Variants in KCNQ1 observed in about 807,000 individuals in gnomAD.
KCNQ1 encodes the protein potassium voltage-gated channel subfamily Q member 1, also known as potassium voltage-gated channel subfamily KQT member 1.
Under a neutral mutation model 72.4 loss-of-function variants are expected in KCNQ1, and 49 were observed. The observed-to-expected ratio is 0.68, with a 90% CI of 0.54 to 0.86. KCNQ1 has a LOEUF of 0.86. KCNQ1 is among the 40% of genes least tolerant of loss of function. The pLI, the probability that KCNQ1 is intolerant of heterozygous loss-of-function variation, is 0.00. For missense variants in KCNQ1, 790 were observed against 945.1 expected, an observed-to-expected ratio of 0.84 and a Z score of 2.15; for synonymous variants, 450 against 412.6, an observed-to-expected ratio of 1.09 and a Z score of -1.10.
At chr11:2,741,631 TACTG>T (rs893082680) in intron 11 of KCNQ1, among the ~76,000 whole-genome samples, 1 of 152,184 alleles carries the variant, frequency 6.6e-6, no homozygotes, top group African/African-American at 2.4e-5. Context: ...CCTCCTCTCT[TACTG>T]ATAGAACATT....
rs1850155440 is a variant in KCNQ1 at position 2,670,206 on chromosome 11, C to T, written c.1514+8125C>T. ...CATTAAAGCAGAGTGAAGAGCAGGG[C>T]GAGCTGTGTAGCTCACCTGCCTTTG... On this transcript the variant is annotated intron_variant, in intron 11 of 15. Coordinates refer to ENST00000155840, the MANE Select transcript of KCNQ1 (RefSeq NM_000218.3). This position sits in a 1 kb window ranked among gnomAD's most constrained non-coding sequence, Gnocchi z 4.9. 1.8e-5 allele frequency: 7 copies of T among 398,454 alleles called. No homozygotes were observed. The highest frequency in any genetic ancestry group is 1.3e-4 in the South Asian group (1 of 7,850). 24.7% of individuals were successfully genotyped at this position (398,454 alleles called of 1,614,324 possible).
intron 10 of KCNQ1, chr11:2,632,217 A>G: frequency 2.5e-6 from 1 of 397,972 alleles, no homozygotes; most frequent in Non-Finnish European, 4.4e-6. Flanking sequence ...ATGCAACTGA[A>G]TTTTGTGTAC....
In KCNQ1 at chr11:2,516,705, C is replaced by T. The variant is rs1043229164; in HGVS notation, c.387-11223C>T. On this transcript the variant is annotated intron_variant, in intron 1 of 15. Transcript: ENST00000155840. The surrounding 1 kb of genome is among the most constrained non-coding windows in gnomAD (Gnocchi z 7.0). ...TGCTACGGCCACCACCTGATTTTGTCGATAAAGTTTTATTAGGACACAGCC... is the reference window on the plus strand; with the variant it reads ...TGCTACGGCCACCACCTGATTTTGTTGATAAAGTTTTATTAGGACACAGCC... Among the ~76,000 whole-genome samples, 8 of 152,118 alleles carry T rather than the reference C, an allele frequency of 5.3e-5. No homozygotes were observed. Among genetic ancestry groups the T allele is most frequent in the African/African-American group, 1.7e-4 (7 of 41,416 alleles).
In KCNQ1 at chr11:2,823,870, G is replaced by A. The variant is rs57476377; in HGVS notation, c.1795-23897G>A. ...GGACAGTTAGAGGGTGGACAAAGCC[G>A]AGGGTGGGGTGAGAGCTTAAGCCTC... On this transcript the variant is annotated intron_variant, in intron 15 of 15. Transcript: ENST00000155840. Among the ~76,000 whole-genome samples, 138 of 152,274 alleles carry A rather than the reference G, an allele frequency of 9.1e-4. 3 individuals are homozygous for A. The East Asian group carries it at 0.022, about 24-fold the overall frequency.
At chr11:2,755,111 G>A (rs544575603) in intron 11 of KCNQ1, among the ~76,000 whole-genome samples, 81 of 152,260 alleles carry the variant, frequency 5.3e-4, no homozygotes, top group African/African-American at 1.9e-3. Flanking sequence ...GCTTCTAGGG[G>A]TTGTCTGCAT....
At position 2,471,695 on chromosome 11, in the gene KCNQ1, T is replaced by TGTGTATGGGTGTGCAC. The variant is rs1564790452; in HGVS notation, c.386+26215_386+26216insATGGGTGTGCACGTGT. 1.3e-5 allele frequency among the ~76,000 whole-genome samples: 2 copies of TGTGTATGGGTGTGCAC among 150,762 alleles called. No individual in the cohort carries two copies. Among genetic ancestry groups the TGTGTATGGGTGTGCAC allele is most frequent in the African/African-American group, 2.4e-5 (1 of 41,036 alleles). ...GTGTGCACATGTGTATGGGTGTGCA[T>TGTGTATGGGTGTGCAC]GTGTGTATAGGTGTGTGTATGTGTG... is the stretch of plus-strand genomic sequence containing the variant. On this transcript the variant is annotated intron_variant, in intron 1 of 15. Coordinates refer to ENST00000155840, the MANE Select transcript of KCNQ1 (RefSeq NM_000218.3). The surrounding 1 kb of genome is among the most constrained non-coding windows in gnomAD (Gnocchi z 4.8).
Position 2,602,671 on chromosome 11 carries a change from T to C in KCNQ1, c.1393+13817T>C, listed in dbSNP as rs1848824000. ...GTGGTTTACATTTACATTTCCTCAT[T>C]AGGATGATACTGAACATCTTTTCAT... On this transcript the variant is annotated intron_variant, in intron 10 of 15. Coordinates refer to ENST00000155840, the MANE Select transcript of KCNQ1 (RefSeq NM_000218.3). This position sits in a 1 kb window ranked among gnomAD's most constrained non-coding sequence, Gnocchi z 4.8. Among the ~76,000 whole-genome samples the C allele has an allele frequency of 6.6e-6, 1 of 152,234 alleles. No individual in the cohort carries two copies. The highest frequency in any genetic ancestry group is 6.5e-5 in the Admixed American group (1 of 15,280).
Position 2,623,442 on chromosome 11 carries a change from AC to A in KCNQ1, c.1393+34591del, listed in dbSNP as rs1849207897. 2.5e-6 allele frequency: 1 copy of A among 398,274 alleles called. No homozygotes were observed. The highest frequency in any genetic ancestry group is 4.4e-6 in the Non-Finnish European group (1 of 226,042). The allele number at this position is 398,274 out of a possible 1,614,324, so 24.7% of individuals were successfully genotyped here. A position where few individuals can be genotyped will look rare whatever the true frequency, so the allele number is the denominator to read the frequency against. On this transcript the variant is annotated intron_variant, in intron 10 of 15. Transcript: ENST00000155840. The surrounding 1 kb of genome is among the most constrained non-coding windows in gnomAD (Gnocchi z 5.2). ...CCTATTCAACCCTTCTTCCCCAACAACCCTTGGCAACCACTGAACTTTTTAC... is the reference window on the plus strand; with the variant it reads ...CCTATTCAACCCTTCTTCCCCAACAACCTTGGCAACCACTGAACTTTTTAC...
intron 10 of KCNQ1, chr11:2,660,488 C>T: frequency 2.5e-6 from 1 of 398,586 alleles, no homozygotes; most frequent in Admixed American, 4.4e-5. Context: ...GGGAAGCTAT[C>T]TATGCCTCAT....
rs955701141 is a variant in KCNQ1, at chr11:2,711,534, C to T, written c.1514+49453C>T. Among the ~76,000 whole-genome samples, 4 of 152,114 alleles carry T rather than the reference C, an allele frequency of 2.6e-5. No individual in the cohort carries two copies. Among genetic ancestry groups the T allele is most frequent in the Admixed American group, 1.3e-4 (2 of 15,274 alleles). On this transcript the variant is annotated intron_variant, in intron 11 of 15. Coordinates refer to ENST00000155840, the MANE Select transcript of KCNQ1 (RefSeq NM_000218.3). The surrounding 1 kb of genome is among the most constrained non-coding windows in gnomAD (Gnocchi z 5.4). ...GTGGAATCTTCTCAACCTTGGGTGT[C>T]GCCTGCCCAGAACGGGGCTCTCGGA... is the stretch of plus-strand genomic sequence containing the variant.
In KCNQ1 at chr11:2,480,343, A is replaced by G. The variant is rs533490586; in HGVS notation, c.386+34859A>G. Among the ~76,000 whole-genome samples the G allele has an allele frequency of 1.3e-4, 20 of 152,376 alleles. No homozygotes were observed. The South Asian group carries it at 1.7e-3, about 13-fold the overall frequency. ...GGTAATTTATAAAGGGAAGAGGTTT[A>G]ATTGACTCACAGTTCCACATGGCTG... On this transcript the variant is annotated intron_variant, in intron 1 of 15. Coordinates refer to ENST00000155840, the MANE Select transcript of KCNQ1 (RefSeq NM_000218.3).
At chr11:2,751,613 G>A (rs542530092) in intron 11 of KCNQ1, among the ~76,000 whole-genome samples, 4 of 152,390 alleles carry the variant, frequency 2.6e-5, no homozygotes, top group African/African-American at 4.8e-5. Context: ...CAAACGGGGC[G>A]GCGACCCTCG....
intron 15 of KCNQ1, among the ~76,000 whole-genome samples, chr11:2,821,272 C>A (rs928702757): frequency 6.6e-6 from 1 of 152,170 alleles, no homozygotes; most frequent in Non-Finnish European, 1.5e-5. Context: ...GCAGAGGCCC[C>A]GCGTGGGGCA....
rs1372704164 is a variant in KCNQ1, at chr11:2,669,589, A to C, written c.1514+7508A>C. On this transcript the variant is annotated intron_variant, in intron 11 of 15. Transcript: ENST00000155840. The surrounding 1 kb of genome is among the most constrained non-coding windows in gnomAD (Gnocchi z 5.6). Reference sequence around the variant, plus strand: ...CAGCTTGGGTCATTTCATCCTGCCCACAGGACACTGGGGCAGTCACCTAAT... The same window carrying C: ...CAGCTTGGGTCATTTCATCCTGCCCCCAGGACACTGGGGCAGTCACCTAAT... The C allele has an allele frequency of 5.0e-6, 2 of 398,510 alleles. No individual in the cohort carries two copies. Among genetic ancestry groups the C allele is most frequent in the Admixed American group, 8.8e-5 (2 of 22,714 alleles). 24.7% of individuals were successfully genotyped at this position (398,510 alleles called of 1,614,324 possible).
At chr11:2,790,052 A>G (rs1846989791) in intron 15 of KCNQ1, among the ~76,000 whole-genome samples, 1 of 152,172 alleles carries the variant, frequency 6.6e-6, no homozygotes, top group East Asian at 1.9e-4. Flanking sequence ...CTTGGAGGGG[A>G]TCATATCCCT....
intron 8 of KCNQ1, 135 bp downstream of exon 8, chr11:2,585,442 G>A (rs952954750): frequency 2.5e-6 from 2 of 815,110 alleles, no homozygotes; most frequent in Admixed American, 2.0e-5. Context: ...TACTCTGCTT[G>A]TGGAAGCCTT....
At position 2,674,401 on chromosome 11, in the gene KCNQ1, G is replaced by A. The variant is rs928202759; in HGVS notation, c.1514+12320G>A. 7.5e-6 allele frequency: 3 copies of A among 398,390 alleles called. No individual in the cohort carries two copies. The highest frequency in any genetic ancestry group is 1.3e-5 in the Non-Finnish European group (3 of 226,040). The allele number at this position is 398,390 out of a possible 1,614,324, so 24.7% of individuals were successfully genotyped here. On this transcript the variant is annotated intron_variant, in intron 11 of 15. Coordinates refer to ENST00000155840, the MANE Select transcript of KCNQ1 (RefSeq NM_000218.3). This position sits in a 1 kb window ranked among gnomAD's most constrained non-coding sequence, Gnocchi z 5.9. Reference sequence around the variant, plus strand: ...TTAGGGAAGGTGCATGCGTGCGTGTGTGTGTGCGCGCCCGCGCGCACACGA... The same window carrying A: ...TTAGGGAAGGTGCATGCGTGCGTGTATGTGTGCGCGCCCGCGCGCACACGA...
chr11:2,517,466 G>C (rs1159690821), intron 1 of KCNQ1, among the ~76,000 whole-genome samples: 1 of 152,184 alleles, frequency 6.6e-6, no homozygotes, highest in Non-Finnish European at 1.5e-5. Flanking sequence ...CCCCACGCGT[G>C]TTGAGTCCCC....
At position 2,723,873 on chromosome 11, in the gene KCNQ1, G is replaced by T. The variant is rs1223638448; in HGVS notation, c.1515-44971G>T. 6.6e-6 allele frequency among the ~76,000 whole-genome samples: 1 copy of T among 152,210 alleles called. No homozygotes were observed. The highest frequency in any genetic ancestry group is 2.4e-5 in the African/African-American group (1 of 41,454). The stretch of plus-strand genomic sequence containing the variant: ...TCAAAGCAAGTCACGGATTCCAGGG[G>T]GACCTCGGGACGAGGAAGTCACACG... On this transcript the variant is annotated intron_variant, in intron 11 of 15. Transcript: ENST00000155840. The surrounding 1 kb of genome is among the most constrained non-coding windows in gnomAD (Gnocchi z 4.2).
Sources: gnomAD v4.1 joint callset for allele counts (sites outside exome capture counted in the v4.1 genomes callset) on GRCh38, gnomAD v4.1.1 for gene constraint, Gnocchi (gnomAD v3.1) non-coding constraint, MANE v1.5 for transcripts, NCBI Gene and HGNC (gene_info 2026-07-23, HGNC 2026-07-21) for gene names.